SDAD1: variants seen among roughly 807,000 people sequenced by gnomAD.
SDAD1 encodes protein SDA1 homolog.
A neutral mutation model predicts 100.3 loss-of-function variants in SDAD1; 79 were observed. The ratio of observed to expected loss-of-function variants is 0.79; its 90% CI spans 0.66 to 0.95. SDAD1 has a LOEUF of 0.95. Ranked by LOEUF, SDAD1 falls within the 40% of genes least tolerant of loss-of-function variation. SDAD1 has a pLI of 0.00. For synonymous variants in SDAD1, 267 were observed against 271.4 expected (o/e 0.98, Z 0.16); for missense variants, 790 against 810.9 (o/e 0.97, Z 0.31).
At chr4:75,961,471 A>G (rs1048985345) in intron 14 of SDAD1, among the ~76,000 whole-genome samples, 163 bp from the exon 15 acceptor site, 1 of 152,190 alleles carries the variant, frequency 6.6e-6, no homozygotes, top group East Asian at 1.9e-4. Context: ...TCAGGTAGGC[A>G]GCCTTAGAGG....
Position 75,957,365 on chromosome 4 carries a change from T to G in SDAD1, c.1814A>C (p.Lys605Thr), listed in dbSNP as rs1560536156. The G allele has an allele frequency of 6.2e-7, 1 of 1,614,180 alleles. No individual in the cohort carries two copies. Among genetic ancestry groups the G allele is most frequent in the Non-Finnish European group, 8.5e-7 (1 of 1,180,016 alleles). ...TCTTGTCTCTTTGTCAGACTTTGGCTTTTTATGAAGGCGTTCAATGTCCCG... is the reference window on the plus strand; with the variant it reads ...TCTTGTCTCTTTGTCAGACTTTGGCGTTTTATGAAGGCGTTCAATGTCCCG... ...SLRDIERLHKKPKSDKETRLA... is the reference protein window; with the variant it reads ...SLRDIERLHKTPKSDKETRLA... Residue 605 changes from lysine to threonine, a missense_variant, in exon 20 of 22, where the codon AAG becomes ACG. Physicochemically the swap from Lys to Thr is moderately conservative, Grantham distance 78 (BLOSUM62 -1). Transcript: ENST00000356260.
intron 21 of SDAD1, among the ~76,000 whole-genome samples, chr4:75,954,257 C>T (rs536429101): frequency 8.0e-4 from 121 of 152,156 alleles, no homozygotes; most frequent in Admixed American, 1.4e-3. Flanking sequence ...TGGCGGGCAC[C>T]TGTAGTCCCA....
At chr4:75,969,598 T>C (rs539857809) in intron 10 of SDAD1, among the ~76,000 whole-genome samples, 199 bp from the exon 11 acceptor site, 2 of 152,208 alleles carry the variant, frequency 1.3e-5, no homozygotes, top group Non-Finnish European at 2.9e-5. Flanking sequence ...GAGTGACTGT[T>C]TGACAGGTGC....
At chr4:75,978,973 CCT>C (rs1310821751) in intron 3 of SDAD1, among the ~76,000 whole-genome samples, 6 of 46,144 alleles carry the variant, frequency 1.3e-4, no homozygotes, top group African/African-American at 3.7e-4. Flanking sequence ...AGTGACAGAC[CCT>C]GTCTCAGAAA....
At chr4:75,965,598 C>A (rs1372608430) in intron 13 of SDAD1, among the ~76,000 whole-genome samples, 166 bp downstream of exon 13, 3 of 152,154 alleles carry the variant, frequency 2.0e-5, no homozygotes, top group Admixed American at 2.0e-4. Flanking sequence ...TTTAAAATTT[C>A]TCTCTTTTGT....
At chr4:75,986,078 T>A (rs1054195573) in intron 1 of SDAD1, among the ~76,000 whole-genome samples, 1 of 152,194 alleles carries the variant, frequency 6.6e-6, no homozygotes, top group Non-Finnish European at 1.5e-5. Flanking sequence ...GAGCTGAACA[T>A]GGTTGGAGAA....
At chr4:75,957,480 G>A (rs1728964930) in intron 19 of SDAD1, 38 bp downstream of exon 19, 1 of 1,611,460 alleles carries the variant, frequency 6.2e-7, no homozygotes, top group Non-Finnish European at 8.5e-7. Context: ...ATTACCACAT[G>A]AGCTGACTGA....
At chr4:75,970,171 A>G in intron 10 of SDAD1, 138 bp downstream of exon 10, 1 of 663,196 alleles carries the variant, frequency 1.5e-6, no homozygotes, top group South Asian at 2.1e-5. Context: ...GTAGGTTACA[A>G]CCAACTAGTA....
chr4:75,950,556 C>T lies in SDAD1; in HGVS notation c.*194G>A. 2 of 472,654 alleles carry T rather than the reference C, an allele frequency of 4.2e-6. No individual in the cohort carries two copies. The highest frequency in any genetic ancestry group is 3.4e-5 in the Admixed American group (1 of 29,140). The allele number at this position is 472,654 out of a possible 1,614,324, so 29.3% of individuals were successfully genotyped here. On this transcript the variant is annotated 3_prime_UTR_variant, in exon 22 of 22. Coordinates refer to ENST00000356260, the MANE Select transcript of SDAD1 (RefSeq NM_018115.4). ...AAATGAAATGATTTTACATTACCAC[C>T]ACTATTTACATTAACATTCCTACCA...
intron 8 of SDAD1, among the ~76,000 whole-genome samples, chr4:75,972,184 C>T (rs1029672027): frequency 3.3e-5 from 5 of 151,974 alleles, no homozygotes; most frequent in African/African-American, 1.2e-4. Context: ...GTGATCTGCC[C>T]GCCTTGGCCT....
chr4:75,979,763 T>A (rs1730387379), intron 3 of SDAD1, among the ~76,000 whole-genome samples: 1 of 151,382 alleles, frequency 6.6e-6, no homozygotes, highest in African/African-American at 2.4e-5. Flanking sequence ...CGGAAATCTT[T>A]ATTATTTTTT....
chr4:75,969,251 T>G (rs1729727034), intron 11 of SDAD1, 45 bp downstream of exon 11: 1 of 1,489,900 alleles, frequency 6.7e-7, no homozygotes, highest in Non-Finnish European at 9.3e-7. Context: ...CCATGGTAAA[T>G]TCTACTTCAA....
At position 75,975,943 on chromosome 4, in the gene SDAD1, T is replaced by C; in HGVS notation, c.458A>G (p.Lys153Arg). 1.2e-6 allele frequency: 2 copies of C among 1,606,592 alleles called. No individual in the cohort carries two copies. Among genetic ancestry groups the C allele is most frequent in the Non-Finnish European group, 8.5e-7 (1 of 1,173,232 alleles). Residue 153 changes from lysine to arginine, a missense_variant, in exon 5 of 22, where the codon AAG (lysine) becomes AGG (arginine). Transcript: ENST00000356260. Reference sequence around the variant, plus strand: ...ACTTACTACATTCACTTTATTGTTCTTGTGTTTTGCATTTATATTCTTGAT... The same window carrying C: ...ACTTACTACATTCACTTTATTGTTCCTGTGTTTTGCATTTATATTCTTGAT... Reference protein sequence around the residue: ...TDIKNINAKHKNNKVNVVLQN... With the variant: ...TDIKNINAKHRNNKVNVVLQN...
chr4:75,962,304 G>C (rs1480180430), intron 14 of SDAD1, among the ~76,000 whole-genome samples: 1 of 152,186 alleles, frequency 6.6e-6, no homozygotes, highest in Admixed American at 6.5e-5. Context: ...ATCATTGTTG[G>C]ACATTTGGGT....
Position 75,970,375 on chromosome 4 carries a change from G to A in SDAD1, c.817C>T (p.Gln273Ter). ...LEKAMKVLKK[Q>*]KKKKKPEVFN... ...ACCTCTGGTTTTTTCTTCTTTTTTT[G>A]TTTCTGAAAGGGAGAGGAAAAACAT... Residue 273 changes from glutamine to a stop codon, truncating the protein, a stop_gained, in exon 10 of 22, where the codon CAA becomes TAA. Coordinates refer to ENST00000356260, the MANE Select transcript of SDAD1 (RefSeq NM_018115.4). LOFTEE classifies it high-confidence loss of function. 6.2e-7 allele frequency: 1 copy of A among 1,611,838 alleles called. No homozygotes were observed. The highest frequency in any genetic ancestry group is 1.7e-5 in the Admixed American group (1 of 59,884).
chr4:75,961,623 C>T (rs1407887195), intron 14 of SDAD1, among the ~76,000 whole-genome samples: 1 of 152,022 alleles, frequency 6.6e-6, no homozygotes, highest in African/African-American at 2.4e-5. Context: ...GTCTTTAGGG[C>T]TATTATCCTG....
chr4:75,965,128 G>A (rs1729463226), intron 13 of SDAD1, among the ~76,000 whole-genome samples: 1 of 152,178 alleles, frequency 6.6e-6, no homozygotes, highest in African/African-American at 2.4e-5. Context: ...TTCTAAGCAA[G>A]GAACAGCCCT....
intron 21 of SDAD1, among the ~76,000 whole-genome samples, chr4:75,955,331 C>T (rs1728828326): frequency 6.6e-6 from 1 of 152,040 alleles, no homozygotes; most frequent in African/African-American, 2.4e-5. Flanking sequence ...CATCGCAGGA[C>T]CAGAAGGCGG....
At chr4:75,952,966 G>A (rs1026735060) in intron 21 of SDAD1, among the ~76,000 whole-genome samples, 1 of 151,862 alleles carries the variant, frequency 6.6e-6, no homozygotes, top group East Asian at 1.9e-4. Context: ...GATATATGTG[G>A]TTCATATTAT....
Sources: allele counts gnomAD v4.1 joint callset (sites outside exome capture counted in the v4.1 genomes callset), GRCh38; gene constraint gnomAD v4.1.1; transcripts MANE v1.5; gene names NCBI Gene and HGNC (gene_info 2026-07-23, HGNC 2026-07-21).